CPED1: variants seen among roughly 807,000 people sequenced by gnomAD.
The protein encoded by CPED1 is cadherin like and PC-esterase domain containing 1, also known as cadherin-like and PC-esterase domain-containing protein 1.
A neutral mutation model predicts 128.2 loss-of-function variants in CPED1; 114 were observed. The ratio of observed to expected loss-of-function variants is 0.89; its 90% CI spans 0.76 to 1.04. CPED1 has a LOEUF of 1.04. CPED1 is among the 50% of genes least tolerant of loss of function. The pLI, the probability that CPED1 is intolerant of heterozygous loss-of-function variation, is 0.00. For missense variants in CPED1, 1,211 were observed against 1,207.1 expected (o/e 1.00, Z -0.05); for synonymous variants, 462 against 426.7 (o/e 1.08, Z -1.02).
At chr7:121,034,371 C>G (rs187715523) in intron 3 of CPED1, among the ~76,000 whole-genome samples, 2 of 151,336 alleles carry the variant, frequency 1.3e-5, no homozygotes, top group African/African-American at 4.9e-5. Context: ...CTTCAGCCTC[C>G]AGAGTAGCTG....
chr7:121,179,550 AT>A (rs1056337196), intron 16 of CPED1, among the ~76,000 whole-genome samples: 139 of 152,246 alleles, frequency 9.1e-4, no homozygotes, highest in African/African-American at 3.3e-3. Context: ...AGTTTTTTTC[AT>A]GTGTCTATAC....
At chr7:121,076,429 T>G (rs1794126844) in intron 5 of CPED1, 1 of 152,224 alleles carries the variant, frequency 6.6e-6, no homozygotes, top group Non-Finnish European at 1.5e-5. Flanking sequence ...TGGTTACCAT[T>G]GCAGCTGAGA....
At chr7:121,167,753 A>G (rs1332298236) in intron 16 of CPED1, among the ~76,000 whole-genome samples, 4 of 109,886 alleles carry the variant, frequency 3.6e-5, no homozygotes, top group Admixed American at 3.3e-4. Flanking sequence ...TTTTTTTGAG[A>G]TGGAGTCTCG....
chr7:121,129,289 A>ATATATATATATATACACG (rs527269262), intron 11 of CPED1, among the ~76,000 whole-genome samples: 7,350 of 93,250 alleles, frequency 0.079, 362 homozygotes, highest in Non-Finnish European at 0.095. Flanking sequence ...GTATATATGT[A>ATATATATATATATACACG]TATATATATA....
At chr7:121,125,387 C>T (rs1462650610) in intron 8 of CPED1, among the ~76,000 whole-genome samples, 13 of 152,108 alleles carry the variant, frequency 8.5e-5, no homozygotes. Flanking sequence ...TGGTTTGCTG[C>T]ACCTATCAAT....
chr7:121,075,345 A>G (rs1479365920), intron 5 of CPED1, among the ~76,000 whole-genome samples: 7 of 152,230 alleles, frequency 4.6e-5, no homozygotes, highest in Admixed American at 6.5e-5. Flanking sequence ...CAAAATTATT[A>G]TAGTAGTATG....
chr7:121,100,159 C>T (rs1769540506), intron 7 of CPED1, 65 bp downstream of exon 7: 1 of 1,435,106 alleles, frequency 7.0e-7, no homozygotes, highest in East Asian at 2.3e-5. Flanking sequence ...GTGAGTTGGG[C>T]TGCCATTTTC....
intron 9 of CPED1, among the ~76,000 whole-genome samples, chr7:121,126,509 T>A (rs1212862688): frequency 1.3e-5 from 2 of 152,208 alleles, no homozygotes; most frequent in Admixed American, 1.3e-4. Flanking sequence ...CTATAGAAAG[T>A]TCTACCTTGG....
At chr7:121,154,916 T>C (rs1180876639) in intron 16 of CPED1, among the ~76,000 whole-genome samples, 2 of 152,252 alleles carry the variant, frequency 1.3e-5, no homozygotes, top group African/African-American at 2.4e-5. Context: ...ATTCTGTTAA[T>C]GTGTCATGTT....
At chr7:121,222,368 A>G (rs762978663) in intron 16 of CPED1, among the ~76,000 whole-genome samples, 8 of 152,112 alleles carry the variant, frequency 5.3e-5, no homozygotes, top group Non-Finnish European at 1.2e-4. Flanking sequence ...GCCTTGTAGT[A>G]TAGTTTACAG....
intron 16 of CPED1, among the ~76,000 whole-genome samples, chr7:121,159,409 A>C (rs1171431840): frequency 6.6e-6 from 1 of 152,186 alleles, no homozygotes; most frequent in Non-Finnish European, 1.5e-5. Flanking sequence ...TGACTTGATC[A>C]GAAGTTTTTG....
chr7:121,137,176 T>G (rs1015688654), intron 14 of CPED1, among the ~76,000 whole-genome samples: 18 of 151,566 alleles, frequency 1.2e-4, no homozygotes, highest in African/African-American at 4.1e-4. Flanking sequence ...ATTATATTAT[T>G]TATTTATTTA....
chr7:121,044,333 G>T (rs1336660685), intron 3 of CPED1, among the ~76,000 whole-genome samples: 3 of 152,124 alleles, frequency 2.0e-5, no homozygotes, highest in African/African-American at 7.2e-5. Context: ...TTCAATGCGG[G>T]TAACAGTGGG....
chr7:121,249,355 TC>T (rs756074758), intron 18 of CPED1, among the ~76,000 whole-genome samples: 1 of 151,808 alleles, frequency 6.6e-6, no homozygotes, highest in Non-Finnish European at 1.5e-5. Flanking sequence ...GAAATGACCA[TC>T]CCCAAAGAAC....
chr7:121,203,585 T>C (rs1011619264), intron 16 of CPED1, among the ~76,000 whole-genome samples: 1 of 152,064 alleles, frequency 6.6e-6, no homozygotes, highest in Non-Finnish European at 1.5e-5. Context: ...AGGATGCCAA[T>C]TGCTCTCAGT....
chr7:121,293,303 T>C (rs1792750508), intron 22 of CPED1, among the ~76,000 whole-genome samples: 1 of 152,160 alleles, frequency 6.6e-6, no homozygotes, highest in Non-Finnish European at 1.5e-5. Context: ...TTGTTTACAC[T>C]GTGAGGGGAA....
At chr7:121,164,050 C>A (rs1796469541) in intron 16 of CPED1, among the ~76,000 whole-genome samples, 1 of 152,230 alleles carries the variant, frequency 6.6e-6, no homozygotes, top group Non-Finnish European at 1.5e-5. Context: ...TCTGCTCTTT[C>A]TTCCACTATT....
chr7:121,115,818 C>T (rs987101608), intron 7 of CPED1, among the ~76,000 whole-genome samples: 1 of 152,116 alleles, frequency 6.6e-6, no homozygotes, highest in Non-Finnish European at 1.5e-5. Flanking sequence ...ATAGTTGTGA[C>T]CTGCTCGAAC....
chr7:121,100,423 T>C (rs146415285), intron 7 of CPED1, among the ~76,000 whole-genome samples: 208 of 152,316 alleles, frequency 1.4e-3, no homozygotes, highest in African/African-American at 4.5e-3. Context: ...AAAAATATAG[T>C]CAAGGCAACA....
Sources: gnomAD v4.1 joint callset for allele counts (sites outside exome capture counted in the v4.1 genomes callset) on GRCh38, gnomAD v4.1.1 for gene constraint, MANE v1.5 for transcripts, NCBI Gene and HGNC (gene_info 2026-07-23, HGNC 2026-07-21) for gene names.